Variants in NUMA1 observed in about 807,000 individuals in gnomAD.
The protein encoded by NUMA1 is SP-H antigen.
NUMA1 carries 62 observed loss-of-function variants against 237.1 expected under a neutral mutation model. The ratio of observed to expected loss-of-function variants is 0.26; its 90% CI spans 0.21 to 0.32. The LOEUF (loss-of-function observed/expected upper bound fraction) is 0.32, where lower values mean the gene tolerates loss of function less well. Among genes scored for constraint, NUMA1 ranks in the 10% least tolerant of loss-of-function variants. The probability of loss-of-function intolerance (pLI) is 1.00; values close to 1 mark genes in which losing one functional copy is unlikely to be tolerated. For synonymous variants in NUMA1, 1,028 were observed against 1,066.1 expected (o/e 0.96, Z 0.70); for missense variants, 2,533 against 2,666.5 (o/e 0.95, Z 1.10).
At chr11:72,073,834 C>T (rs1022097493) in intron 1 of NUMA1, among the ~76,000 whole-genome samples, 2 of 152,126 alleles carry the variant, frequency 1.3e-5, no homozygotes, top group African/African-American at 2.4e-5. Context: ...TCTACCTGTG[C>T]CTCAGTTGCC....
intron 2 of NUMA1, among the ~76,000 whole-genome samples, chr11:72,054,254 C>G (rs1942516533): frequency 6.6e-6 from 1 of 151,908 alleles, no homozygotes; most frequent in Non-Finnish European, 1.5e-5. Flanking sequence ...TCGCTTGAGG[C>G]CAGGAGTTCG....
In NUMA1 at chr11:72,024,296, G is replaced by A. The variant is rs1255562564; in HGVS notation, c.186C>T (p.Asp62=). The A allele has an allele frequency of 1.6e-5, 26 of 1,614,068 alleles. No individual in the cohort carries two copies. Among genetic ancestry groups the A allele is most frequent in the Non-Finnish European group, 2.2e-5 (26 of 1,180,024 alleles). Residue 62 remains aspartate (D), a synonymous_variant, in exon 5 of 27, where the codon GAC becomes GAT. Transcript: ENST00000393695. ...ILKQPVSERL[D]FVCSFLQKNR... is the part of the protein sequence containing the mutation. ...TACTCTGCAGAAAACTGCACACAAA[G>A]TCCAGTCTCTCTGACACCGGCTGCT...
Position 72,022,340 on chromosome 11 carries a change from T to A in NUMA1, c.371A>T (p.Gln124Leu). 9 of 1,610,478 alleles carry A rather than the reference T, an allele frequency of 5.6e-6. No homozygotes were observed. The highest frequency in any genetic ancestry group is 7.6e-6 in the Non-Finnish European group (9 of 1,177,166). Residue 124 changes from glutamine to leucine, a missense_variant and splice_region_variant, in exon 7 of 27, where the codon CAG (glutamine) becomes CTG (leucine). Gln to Leu is a moderately radical substitution (Grantham distance 113). Coordinates refer to ENST00000393695, the MANE Select transcript of NUMA1 (RefSeq NM_006185.4). Reference protein sequence around the residue: ...RDWEQFEYKIQAELAVILKFV... With the variant: ...RDWEQFEYKILAELAVILKFV... The stretch of plus-strand genomic sequence containing the variant: ...TGGCATGGAGGCACAAGGGCTTACC[T>A]GAATTTTATATTCAAACTGTTCCCA...
chr11:72,020,071 C>CCTTCT (rs756743495), intron 8 of NUMA1, among the ~76,000 whole-genome samples: 7 of 152,188 alleles, frequency 4.6e-5, no homozygotes, highest in Non-Finnish European at 1.0e-4. Flanking sequence ...TCCTCAAAAC[C>CCTTCT]CTTCTCTTTC....
chr11:72,013,260 T>C lies in NUMA1; in HGVS notation c.4243A>G (p.Lys1415Glu), dbSNP rs1281556226. 3 of 1,604,958 alleles carry C rather than the reference T, an allele frequency of 1.9e-6. No individual in the cohort carries two copies. ...ELGELIPLRQ[K>E]VAEQERTAQQ... Reference sequence around the variant, plus strand: ...GCTGTTCGCTCCTGCTCTGCCACCTTCTGCCGCAGAGGAATCAGCTCCCCA... The same window carrying C: ...GCTGTTCGCTCCTGCTCTGCCACCTCCTGCCGCAGAGGAATCAGCTCCCCA... The change falls in exon 15 of 27, where the codon AAG becomes GAG. Residue 1415 changes from lysine to glutamate, a missense_variant. By Grantham distance (56) the Lys-to-Glu change is moderately conservative. Transcript: ENST00000393695. This position sits in a 1 kb window ranked among gnomAD's most constrained non-coding sequence, Gnocchi z 6.8.
Position 72,024,260 on chromosome 11 carries a change from A to G in NUMA1, c.208+14T>C, listed in dbSNP as rs753949805. 24 of 1,613,148 alleles carry G rather than the reference A, an allele frequency of 1.5e-5. No individual in the cohort carries two copies. In the Admixed American group the frequency reaches 3.7e-4, roughly 25 times the overall value. ...GAAGCAGCTTCTTCATAGCTGGATA[A>G]GAAAGGTGCTTACTCTGCAGAAAAC... is the stretch of plus-strand genomic sequence containing the variant. On this transcript the variant is annotated intron_variant, in intron 5 of 26. Transcript: ENST00000393695.
chr11:72,007,120 C>G (rs1955773536), intron 21 of NUMA1, 69 bp downstream of exon 21: 10 of 1,567,366 alleles, frequency 6.4e-6, no homozygotes, highest in Non-Finnish European at 6.9e-6. Flanking sequence ...GACTGAGTGC[C>G]CAGTGCAAAG....
chr11:72,078,822 C>T (rs1565304431), intron 1 of NUMA1, among the ~76,000 whole-genome samples: 1 of 152,166 alleles, frequency 6.6e-6, no homozygotes, highest in Non-Finnish European at 1.5e-5. Flanking sequence ...AGAAAGCTAC[C>T]TTACATGATC....
chr11:72,015,689 T>G lies in NUMA1; in HGVS notation c.1814A>C (p.Gln605Pro). 6.2e-7 allele frequency: 1 copy of G among 1,614,060 alleles called. No homozygotes were observed. The highest frequency in any genetic ancestry group is 1.1e-5 in the South Asian group (1 of 91,080). The change falls in exon 15 of 27, where the codon CAG becomes CCG. Residue 605 changes from glutamine to proline, a missense_variant. Coordinates refer to ENST00000393695, the MANE Select transcript of NUMA1 (RefSeq NM_006185.4). The surrounding 1 kb of genome is among the most constrained non-coding windows in gnomAD (Gnocchi z 4.0). ...CTTCTCCTTCTCCAGTGCCTCCAGC[T>G]GCTTGAGAGCCGCATCCCGCTCCCT... is the stretch of plus-strand genomic sequence containing the variant. ...SLRERDAALK[Q>P]LEALEKEKAA... is the part of the protein sequence containing the mutation.
At chr11:72,007,755 C>A in intron 20 of NUMA1, 1 of 410,980 alleles carries the variant, frequency 2.4e-6, no homozygotes, top group Non-Finnish European at 4.5e-6. Context: ...CCTGCATCTC[C>A]CATTTCAGTG....
chr11:72,024,044 T>A (rs898903403), intron 5 of NUMA1: 1 of 496,702 alleles, frequency 2.0e-6, no homozygotes, highest in East Asian at 3.4e-5. Context: ...TGGCTCCACC[T>A]AGATCTCCGA....
At chr11:72,003,709 A>G (rs947169280) in intron 26 of NUMA1, 171 bp from the exon 27 acceptor site, 23 of 995,676 alleles carry the variant, frequency 2.3e-5, no homozygotes, top group Non-Finnish European at 3.4e-5. Flanking sequence ...GCTCTCCATG[A>G]GAATGGGGCC....
chr11:72,033,150 A>G (rs1474974745), intron 3 of NUMA1, among the ~76,000 whole-genome samples: 2 of 152,046 alleles, frequency 1.3e-5, no homozygotes, highest in African/African-American at 4.8e-5. Flanking sequence ...TCTCTATACT[A>G]TATTTATATA....
Position 72,015,303 on chromosome 11 carries a change from G to A in NUMA1, c.2200C>T (p.Arg734Cys). The A allele has an allele frequency of 6.2e-7, 1 of 1,613,496 alleles. No individual in the cohort carries two copies. The highest frequency in any genetic ancestry group is 8.5e-7 in the Non-Finnish European group (1 of 1,180,032). Residue 734 changes from arginine (R) to cysteine (C), a missense_variant, in exon 15 of 27, where the codon CGT becomes TGT. Transcript: ENST00000393695. This position sits in a 1 kb window ranked among gnomAD's most constrained non-coding sequence, Gnocchi z 4.0. ...RAADALEEQQ[R>C]CISELKAETR... ...TCTGCCTTCAGCTCAGAGATACAAC[G>A]CTGCTGCTCTTCCAGGGCATCTGCA...
At chr11:72,021,634 A>T (rs1051602147) in intron 7 of NUMA1, among the ~76,000 whole-genome samples, 1 of 152,194 alleles carries the variant, frequency 6.6e-6, no homozygotes, top group African/African-American at 2.4e-5. Flanking sequence ...AAGAAACAAG[A>T]TCTTGCTCTG....
intron 3 of NUMA1, among the ~76,000 whole-genome samples, chr11:72,034,204 T>C (rs913674457): frequency 6.6e-6 from 1 of 152,176 alleles, no homozygotes; most frequent in African/African-American, 2.4e-5. Context: ...CTGTGTCAAC[T>C]AGCATGCCCA....
At chr11:72,047,854 T>C (rs1178048056) in intron 2 of NUMA1, 1 of 152,162 alleles carries the variant, frequency 6.6e-6, no homozygotes, top group African/African-American at 2.4e-5. Context: ...TTTTACTTTA[T>C]TTTTTTAATA....
chr11:72,014,031 C>T lies in NUMA1; in HGVS notation c.3472G>A (p.Ala1158Thr). ...RSLEAERASR[A>T]ERDSALETLQ... is the part of the protein sequence containing the mutation. ...GTCTCCAGAGCACTGTCCCGCTCAG[C>T]CCGGGAGGCCCGCTCAGCCTCGAGG... Residue 1158 changes from alanine to threonine, a missense_variant, in exon 15 of 27, where the codon GCT becomes ACT. Coordinates refer to ENST00000393695, the MANE Select transcript of NUMA1 (RefSeq NM_006185.4). The surrounding 1 kb of genome is among the most constrained non-coding windows in gnomAD (Gnocchi z 4.6). 1.2e-6 allele frequency: 2 copies of T among 1,611,284 alleles called. No individual in the cohort carries two copies. The highest frequency in any genetic ancestry group is 1.7e-6 in the Non-Finnish European group (2 of 1,179,984).
At chr11:72,018,783 C>T in intron 10 of NUMA1, 40 bp downstream of exon 10, 1 of 1,591,756 alleles carries the variant, frequency 6.3e-7, no homozygotes, top group South Asian at 1.1e-5. Flanking sequence ...ATCCTTCCGG[C>T]AAGTCTATTC....
Sources: gnomAD v4.1 joint callset for allele counts (sites outside exome capture counted in the v4.1 genomes callset) on GRCh38, gnomAD v4.1.1 for gene constraint, Gnocchi (gnomAD v3.1) non-coding constraint, MANE v1.5 for transcripts, NCBI Gene and HGNC (gene_info 2026-07-23, HGNC 2026-07-21) for gene names.